CHSY1: variants seen among roughly 807,000 people sequenced by gnomAD.
CHSY1 encodes N-acetylgalactosaminyl-proteoglycan 3-beta-glucuronosyltransferase 1.
A neutral mutation model predicts 59.8 loss-of-function variants in CHSY1; 13 were observed. The observed-to-expected ratio is 0.22, with a 90% CI of 0.14 to 0.35. The LOEUF is 0.35. Among genes scored for constraint, CHSY1 ranks in the 10% least tolerant of loss-of-function variants. The pLI is 1.00. For synonymous variants in CHSY1, 459 were observed against 401.2 expected (o/e 1.14, Z -1.72); for missense variants, 947 against 1,030.6 (o/e 0.92, Z 1.11).
chr15:101,195,908 T>C (rs2038501141), intron 2 of CHSY1, among the ~76,000 whole-genome samples: 1 of 151,418 alleles, frequency 6.6e-6, no homozygotes, highest in Non-Finnish European at 1.5e-5. Context: ...AGATACATAG[T>C]GTCGACACCC....
intron 1 of CHSY1, among the ~76,000 whole-genome samples, chr15:101,246,487 G>A (rs1018189933): frequency 4.0e-5 from 6 of 151,886 alleles, no homozygotes; most frequent in South Asian, 2.1e-4. Flanking sequence ...CTTGTCCACC[G>A]GATATTAAAA....
intron 2 of CHSY1, among the ~76,000 whole-genome samples, chr15:101,196,197 T>C (rs942924548): frequency 4.8e-5 from 7 of 144,900 alleles, no homozygotes; most frequent in Non-Finnish European, 7.4e-5. Context: ...AGCACTGTAC[T>C]CCAGCGTGGG....
At chr15:101,238,135 TG>T (rs1235569939) in intron 1 of CHSY1, among the ~76,000 whole-genome samples, 22 of 152,320 alleles carry the variant, frequency 1.4e-4, no homozygotes, top group Admixed American at 2.6e-4. Flanking sequence ...AGTATCATAT[TG>T]TTTTTTTTAA....
intron 1 of CHSY1, among the ~76,000 whole-genome samples, chr15:101,249,698 A>G (rs1263784145): frequency 6.6e-6 from 1 of 152,058 alleles, no homozygotes; most frequent in Non-Finnish European, 1.5e-5. Flanking sequence ...ACTCTTGAGT[A>G]GAGACGGGGT....
chr15:101,247,367 A>T (rs1228906905), intron 1 of CHSY1, among the ~76,000 whole-genome samples: 1 of 151,948 alleles, frequency 6.6e-6, no homozygotes, highest in Admixed American at 6.6e-5. Flanking sequence ...ACTCTTCCCT[A>T]ATCACCTAAC....
chr15:101,178,327 T>G lies in CHSY1; in HGVS notation c.1470A>C (p.Ala490=). 1.2e-6 allele frequency: 2 copies of G among 1,608,408 alleles called. No homozygotes were observed. Among genetic ancestry groups the G allele is most frequent in the Non-Finnish European group, 8.5e-7 (1 of 1,175,386 alleles). ...IQFVEHEELD[A]QELAKRINQE... ...GATTGATTCTCTTGGCCAACTCTTG[T>G]GCATCCAGCTCCTCATGCTCCACAA... is the stretch of plus-strand genomic sequence containing the variant. The change falls in exon 3 of 3, where the codon GCA becomes GCC. Residue 490 remains alanine, a synonymous_variant. Transcript: ENST00000254190.
rs1328619959 is a variant in CHSY1, at chr15:101,232,012, A to G, written c.816+3070T>C. 3.9e-5 allele frequency among the ~76,000 whole-genome samples: 6 copies of G among 152,212 alleles called. No individual in the cohort carries two copies. In the South Asian group the frequency reaches 1.0e-3, roughly 26 times the overall value. Reference sequence around the variant, plus strand: ...TGTGAGTTTAACATTATTTCCAAACAAAGTTCTCAAGGCTATTTTTTAATA... The same window carrying G: ...TGTGAGTTTAACATTATTTCCAAACGAAGTTCTCAAGGCTATTTTTTAATA... On this transcript the variant is annotated intron_variant, in intron 2 of 2. Transcript: ENST00000254190.
chr15:101,251,258 C>A lies in CHSY1; in HGVS notation c.199G>T (p.Gly67Trp). ...QAGGARGDAR[G>W]AQLWPPGSDP... ...GAGCCGGGCGGCCAGAGCTGCGCCCCGCGCGCATCGCCGCGCGCCCCGCCG... is the reference window on the plus strand; with the variant it reads ...GAGCCGGGCGGCCAGAGCTGCGCCCAGCGCGCATCGCCGCGCGCCCCGCCG... The change falls in exon 1 of 3, where the codon GGG (glycine) becomes TGG (tryptophan). Residue 67 changes from glycine (G) to tryptophan (W), a missense_variant. This residue lies in a region of CHSY1 where 232 missense variants were observed against 188.5 expected (regional missense o/e 1.23). Coordinates refer to ENST00000254190, the MANE Select transcript of CHSY1 (RefSeq NM_014918.5). The A allele has an allele frequency of 7.2e-7, 1 of 1,385,086 alleles. No individual in the cohort carries two copies. Among genetic ancestry groups the A allele is most frequent in the Non-Finnish European group, 9.3e-7 (1 of 1,069,728 alleles). 85.8% of individuals were successfully genotyped at this position (1,385,086 alleles called of 1,614,324 possible).
Position 101,251,478 on chromosome 15 carries a change from G to GC in CHSY1, c.-23_-22insG. On this transcript the variant is annotated 5_prime_UTR_variant, in exon 1 of 3. Transcript: ENST00000254190. ...CCATGCCCGCGCCGCTCCGCCCGCCGGGCCGCCGCCGCAGGCTCCGCGCGC... is the reference window on the plus strand; with the variant it reads ...CCATGCCCGCGCCGCTCCGCCCGCCGCGGCCGCCGCCGCAGGCTCCGCGCGC... 1 of 257,948 alleles carries GC rather than the reference G, an allele frequency of 3.9e-6. No individual in the cohort carries two copies. The highest frequency in any genetic ancestry group is 4.3e-6 in the Non-Finnish European group (1 of 230,998). The allele number at this position is 257,948 out of a possible 1,614,324, so 16.0% of individuals were successfully genotyped here.
In CHSY1 at chr15:101,189,983, C is replaced by T. The variant is rs546081144; in HGVS notation, c.817-11003G>A. On this transcript the variant is annotated intron_variant, in intron 2 of 2. Coordinates refer to ENST00000254190, the MANE Select transcript of CHSY1 (RefSeq NM_014918.5). ...GGTCCCAACCCAGCTTTGGGTCATG[C>T]GTTACACTCAGAACTGTCAGTGTTT... is the stretch of plus-strand genomic sequence containing the variant. Among the ~76,000 whole-genome samples the T allele has an allele frequency of 4.6e-5, 7 of 152,286 alleles. No individual in the cohort carries two copies. The East Asian group carries it at 7.7e-4, about 17-fold the overall frequency.
At chr15:101,229,618 G>T (rs1194185203) in intron 2 of CHSY1, among the ~76,000 whole-genome samples, 1 of 152,148 alleles carries the variant, frequency 6.6e-6, no homozygotes, top group Non-Finnish European at 1.5e-5. Flanking sequence ...TAACATTAGA[G>T]ACTTCTGACT....
At chr15:101,201,083 C>A (rs986456799) in intron 2 of CHSY1, among the ~76,000 whole-genome samples, 2 of 134,318 alleles carry the variant, frequency 1.5e-5, no homozygotes, top group African/African-American at 5.4e-5. Context: ...CCTCCCAGGG[C>A]AACCCAGAGT....
intron 2 of CHSY1, among the ~76,000 whole-genome samples, chr15:101,218,654 C>A (rs922101188): frequency 6.6e-6 from 1 of 152,164 alleles, no homozygotes; most frequent in Admixed American, 6.5e-5. Flanking sequence ...GTGGCTCATG[C>A]CAACAGAAGG....
intron 1 of CHSY1, among the ~76,000 whole-genome samples, chr15:101,237,222 T>TAAAAAAA (rs56731913): frequency 1.7e-5 from 1 of 57,358 alleles, no homozygotes; most frequent in African/African-American, 5.8e-5. Flanking sequence ...AGACTCCATC[T>TAAAAAAA]AAAAAAAAAA....
Position 101,177,459 on chromosome 15 carries a change from T to C in CHSY1, c.2338A>G (p.Met780Val), listed in dbSNP as rs534375575. ...TYGSTQQLAE[M>V]WLEKNDPSYS... is the part of the protein sequence containing the mutation. ...CTTGGATCATTTTTTTCCAGCCACATCTCAGCCAGCTGCTGGGTGGACCCA... is the reference window on the plus strand; with the variant it reads ...CTTGGATCATTTTTTTCCAGCCACACCTCAGCCAGCTGCTGGGTGGACCCA... The change falls in exon 3 of 3, where the codon ATG becomes GTG. Residue 780 changes from methionine to valine, a missense_variant. Physicochemically the swap from Met to Val is conservative, Grantham distance 21. Around this residue, in one of 4 missense-constraint regions of CHSY1, gnomAD observed 602 missense variants for 676.9 expected, o/e 0.89. Transcript: ENST00000254190. 9.3e-6 allele frequency: 15 copies of C among 1,613,420 alleles called. No homozygotes were observed. In the South Asian group the frequency reaches 1.4e-4, roughly 15 times the overall value.
At chr15:101,189,528 C>A in intron 2 of CHSY1, 1 of 959,474 alleles carries the variant, frequency 1.0e-6, no homozygotes, top group South Asian at 4.8e-5. Flanking sequence ...GCTAGAAATC[C>A]AGCTGTTCTG....
At chr15:101,222,434 CACT>C (rs1300310946) in intron 2 of CHSY1, among the ~76,000 whole-genome samples, 31 of 152,170 alleles carry the variant, frequency 2.0e-4, no homozygotes, top group Non-Finnish European at 4.0e-4. Flanking sequence ...GTTAACATCC[CACT>C]TGACTATGCT....
intron 2 of CHSY1, among the ~76,000 whole-genome samples, chr15:101,211,013 C>G (rs2038676945): frequency 6.6e-6 from 1 of 152,128 alleles, no homozygotes; most frequent in Non-Finnish European, 1.5e-5. Flanking sequence ...TTAAAATACA[C>G]AGCTAAAAGT....
intron 2 of CHSY1, among the ~76,000 whole-genome samples, chr15:101,200,357 A>C (rs2038560585): frequency 6.6e-6 from 1 of 152,232 alleles, no homozygotes; most frequent in Non-Finnish European, 1.5e-5. Context: ...AACGCGAAGA[A>C]GACACGGGCT....
Sources: gnomAD v4.1 joint callset for allele counts (sites outside exome capture counted in the v4.1 genomes callset) on GRCh38, gnomAD v4.1.1 for gene constraint, gnomAD v4.1.1 regional missense constraint, MANE v1.5 for transcripts, NCBI Gene and HGNC (gene_info 2026-07-23, HGNC 2026-07-21) for gene names.